CYB5D2: variants seen among roughly 807,000 people sequenced by gnomAD.
CYB5D2 encodes the protein cytochrome b5 domain containing 2.
Under a neutral mutation model 22.8 loss-of-function variants are expected in CYB5D2, and 23 were observed. That is an observed-to-expected ratio of 1.01 (90% CI 0.73 to 1.43). The LOEUF (loss-of-function observed/expected upper bound fraction) is 1.43, where lower values mean the gene tolerates loss of function less well. Ranked by LOEUF, CYB5D2 falls within the 40% of genes most tolerant of loss-of-function variation. The pLI is 0.00. For missense variants in CYB5D2, 373 were observed against 357.2 expected (o/e 1.04, Z -0.36); for synonymous variants, 170 against 152.2 (o/e 1.12, Z -0.86).
chr17:4,144,034 C>G (rs778000684), intron 1 of CYB5D2, 29 bp downstream of exon 1: 21 of 1,557,312 alleles, frequency 1.3e-5, no homozygotes, highest in Admixed American at 1.9e-5. Flanking sequence ...ACGCCTTTCT[C>G]TCCGCTGGCG....
chr17:4,143,529 GA>G lies in CYB5D2; in HGVS notation c.-212del, dbSNP rs57320078. ...CAACAAGAGCTAAAACTCTGTCTCA[GA>G]AAAAAAAAAAAAAAGTACCTGGAAA... is the stretch of plus-strand genomic sequence containing the variant. On this transcript the variant is annotated 5_prime_UTR_variant, in exon 1 of 4. Coordinates refer to ENST00000301391, the MANE Select transcript of CYB5D2 (RefSeq NM_144611.4). The G allele has an allele frequency of 0.59, 209,349 of 356,752 alleles. 44,042 individuals are homozygous for G. Among genetic ancestry groups the G allele is most frequent in the Admixed American group, 0.71 (14,841 of 20,972 alleles). 22.1% of individuals were successfully genotyped at this position (356,752 alleles called of 1,614,324 possible).
At chr17:4,151,660 C>T (rs1380680806) in intron 2 of CYB5D2, among the ~76,000 whole-genome samples, 3 of 151,616 alleles carry the variant, frequency 2.0e-5, no homozygotes, top group Admixed American at 6.6e-5. Context: ...ACACTCCAGC[C>T]TGGGTGGCTG....
At chr17:4,145,953 C>T (rs917462183) in intron 1 of CYB5D2, among the ~76,000 whole-genome samples, 2 of 152,142 alleles carry the variant, frequency 1.3e-5, no homozygotes, top group African/African-American at 2.4e-5. Context: ...TGTGCACCAT[C>T]ACGTGCAGCT....
intron 3 of CYB5D2, 57 bp from the exon 4 acceptor site, chr17:4,156,809 T>C: frequency 6.3e-7 from 1 of 1,580,656 alleles, no homozygotes; most frequent in South Asian, 1.1e-5. Context: ...TGCTCTCCCC[T>C]TCCCAGAGAC....
At chr17:4,147,736 C>T (rs907761468) in intron 1 of CYB5D2, among the ~76,000 whole-genome samples, 3 of 152,182 alleles carry the variant, frequency 2.0e-5, no homozygotes, top group Non-Finnish European at 4.4e-5. Context: ...GCCTGTAATC[C>T]CAGCTACTCA....
chr17:4,151,166 A>G (rs1005418116), intron 2 of CYB5D2: 1 of 152,056 alleles, frequency 6.6e-6, no homozygotes, highest in Non-Finnish European at 1.5e-5. Context: ...CTTTTTCATA[A>G]TATCTAAAGT....
In CYB5D2 at chr17:4,143,847, C is replaced by T. The variant is rs775054977; in HGVS notation, c.92C>T (p.Pro31Leu). ...MAARLMGWWG[P>L]RAGFRLFIPE... ...GCACGGCTTATGGGCTGGTGGGGTC[C>T]CCGCGCTGGCTTTCGCCTTTTCATA... The change falls in exon 1 of 4, where the codon CCC becomes CTC. Residue 31 changes from proline to leucine, a missense_variant. Physicochemically the swap from Pro to Leu is moderately conservative, Grantham distance 98 (BLOSUM62 -3). Coordinates refer to ENST00000301391, the MANE Select transcript of CYB5D2 (RefSeq NM_144611.4). The T allele has an allele frequency of 2.4e-5, 39 of 1,614,112 alleles. No homozygotes were observed. The highest frequency in any genetic ancestry group is 3.2e-5 in the Non-Finnish European group (38 of 1,180,004).
At chr17:4,152,963 A>G (rs986696011) in intron 2 of CYB5D2, among the ~76,000 whole-genome samples, 11 of 152,010 alleles carry the variant, frequency 7.2e-5, no homozygotes, top group African/African-American at 1.2e-4. Context: ...TTTTTAGTAG[A>G]GACAGGGTTT....
chr17:4,150,160 C>T, intron 2 of CYB5D2, 129 bp downstream of exon 2: 5 of 1,257,326 alleles, frequency 4.0e-6, no homozygotes. Flanking sequence ...ACTTTAAATT[C>T]TGGTCGTTAG....
intron 2 of CYB5D2, among the ~76,000 whole-genome samples, chr17:4,152,846 C>T (rs916291920): frequency 4.6e-5 from 7 of 152,202 alleles, no homozygotes; most frequent in Non-Finnish European, 1.0e-4. Flanking sequence ...GGCACGACTG[C>T]AGCTCACTGC....
At chr17:4,150,179 T>C in intron 2 of CYB5D2, 148 bp downstream of exon 2, 2 of 999,136 alleles carry the variant, frequency 2.0e-6, no homozygotes, top group South Asian at 2.8e-5. Context: ...AGAATAGGGA[T>C]GAGCCGCCCA....
At position 4,156,837 on chromosome 17, in the gene CYB5D2, T is replaced by G. The variant is rs766684247; in HGVS notation, c.579-29T>G. 6 of 1,610,946 alleles carry G rather than the reference T, an allele frequency of 3.7e-6. No individual in the cohort carries two copies. The East Asian group carries it at 1.3e-4, about 36-fold the overall frequency. On this transcript the variant is annotated intron_variant, in intron 3 of 3. Transcript: ENST00000301391. ...CCAGAGACTCATGAGTTCTCACATT[T>G]AAGAAGTCCTCTTTCCGTCTATCCT...
At chr17:4,146,377 G>T (rs1309573782) in intron 1 of CYB5D2, among the ~76,000 whole-genome samples, 2 of 151,344 alleles carry the variant, frequency 1.3e-5, no homozygotes, top group African/African-American at 4.9e-5. Flanking sequence ...TTATAGGTAT[G>T]AGCCAAAATT....
At chr17:4,147,464 T>A (rs1260188502) in intron 1 of CYB5D2, among the ~76,000 whole-genome samples, 1 of 152,202 alleles carries the variant, frequency 6.6e-6, no homozygotes, top group East Asian at 1.9e-4. Context: ...AATGTATTAT[T>A]TTTGTGAAAA....
chr17:4,149,862 TG>T (rs759026982), intron 1 of CYB5D2, 28 bp from the exon 2 acceptor site: 8 of 1,602,868 alleles, frequency 5.0e-6, no homozygotes, highest in Admixed American at 1.7e-5. Flanking sequence ...GGTTTACACC[TG>T]GGTCTGATGG....
In CYB5D2 at chr17:4,143,889, G is replaced by T; in HGVS notation, c.134G>T (p.Arg45Leu). The change falls in exon 1 of 4, where the codon CGC (arginine) becomes CTC (leucine). Residue 45 changes from arginine to leucine, a missense_variant. Transcript: ENST00000301391. ...CTTTTCATACCGGAGGAGCTGTCTC[G>T]CTACCGCGGCGGCCCAGGGGACCCG... ...FRLFIPEELS[R>L]YRGGPGDPGL... 6.2e-7 allele frequency: 1 copy of T among 1,613,992 alleles called. No homozygotes were observed. The highest frequency in any genetic ancestry group is 8.5e-7 in the Non-Finnish European group (1 of 1,180,018).
chr17:4,152,387 T>C (rs1226833830), intron 2 of CYB5D2, among the ~76,000 whole-genome samples: 2 of 152,196 alleles, frequency 1.3e-5, no homozygotes, highest in Non-Finnish European at 2.9e-5. Context: ...GAAGGTTTAT[T>C]GTAAGGGTAC....
chr17:4,144,200 G>A (rs1013229225), intron 1 of CYB5D2, among the ~76,000 whole-genome samples, 195 bp downstream of exon 1: 1 of 152,106 alleles, frequency 6.6e-6, no homozygotes, highest in Non-Finnish European at 1.5e-5. Flanking sequence ...CTGTGGGCCA[G>A]CTCTGTCATC....
At chr17:4,151,870 G>T (rs1455257924) in intron 2 of CYB5D2, among the ~76,000 whole-genome samples, 1 of 150,858 alleles carries the variant, frequency 6.6e-6, no homozygotes, top group Non-Finnish European at 1.5e-5. Flanking sequence ...GCTGGGTGTG[G>T]TGGGACACAC....
Sources: gnomAD v4.1 joint callset for allele counts (sites outside exome capture counted in the v4.1 genomes callset) on GRCh38, gnomAD v4.1.1 for gene constraint, MANE v1.5 for transcripts, NCBI Gene and HGNC (gene_info 2026-07-23, HGNC 2026-07-21) for gene names.